CNTN6: variants seen among roughly 807,000 people sequenced by gnomAD.
The protein encoded by CNTN6 is contactin-6.
A neutral mutation model predicts 122.8 loss-of-function variants in CNTN6; 137 were observed. The ratio of observed to expected loss-of-function variants is 1.12; its 90% CI spans 0.97 to 1.29. The LOEUF is 1.29. CNTN6 is among the 50% of genes most tolerant of loss of function. The probability of loss-of-function intolerance (pLI) is 0.00; values close to 1 mark genes in which losing one functional copy is unlikely to be tolerated. For missense variants in CNTN6, 1,634 were observed against 1,223.4 expected (o/e 1.34, Z -5.01); for synonymous variants, 570 against 426.0 (o/e 1.34, Z -4.16).
At chr3:1,384,692 A>T (rs1476943333) in intron 19 of CNTN6, among the ~76,000 whole-genome samples, 1 of 144,618 alleles carries the variant, frequency 6.9e-6, no homozygotes, top group Non-Finnish European at 1.5e-5. Context: ...ATATATACAC[A>T]CACACACACG....
chr3:1,278,512 T>A lies in CNTN6; in HGVS notation c.454+4T>A. ...GGCCCACCGCCACATTTTGGAGGTA[T>A]GATGGGGTGATTTGGGTCATATCAT... On this transcript the variant is annotated splice_donor_region_variant and intron_variant, in intron 5 of 22. Transcript: ENST00000446702. 1 of 1,607,098 alleles carries A rather than the reference T, an allele frequency of 6.2e-7. No homozygotes were observed. Among genetic ancestry groups the A allele is most frequent in the Non-Finnish European group, 8.5e-7 (1 of 1,174,678 alleles).
chr3:1,252,939 A>G (rs982900073), intron 4 of CNTN6, among the ~76,000 whole-genome samples: 4 of 152,192 alleles, frequency 2.6e-5, no homozygotes, highest in African/African-American at 4.8e-5. Context: ...AAGACTCCCT[A>G]TTGAAAGAAG....
intron 1 of CNTN6, among the ~76,000 whole-genome samples, chr3:1,128,852 T>G (rs1166508169): frequency 6.6e-6 from 1 of 152,058 alleles, no homozygotes; most frequent in Non-Finnish European, 1.5e-5. Context: ...TGAAATATAT[T>G]GCACTTTTAA....
chr3:1,321,605 T>C (rs767498119), intron 7 of CNTN6, 45 bp from the exon 8 acceptor site: 1 of 1,495,194 alleles, frequency 6.7e-7, no homozygotes, highest in Non-Finnish European at 9.0e-7. Context: ...TTTGCTGTCA[T>C]AAAGATTAAA....
At chr3:1,129,027 GA>G (rs1287690391) in intron 1 of CNTN6, among the ~76,000 whole-genome samples, 1 of 151,860 alleles carries the variant, frequency 6.6e-6, no homozygotes, top group Non-Finnish European at 1.5e-5. Flanking sequence ...TAAATACATA[GA>G]AGGTAAAAAT....
At chr3:1,166,584 G>T (rs1162442582) in intron 2 of CNTN6, among the ~76,000 whole-genome samples, 1 of 152,146 alleles carries the variant, frequency 6.6e-6, no homozygotes, top group East Asian at 1.9e-4. Flanking sequence ...TGCTACTGGG[G>T]AAGGAAGCAC....
intron 7 of CNTN6, among the ~76,000 whole-genome samples, chr3:1,308,287 T>TTTTG (rs144593016): frequency 1.4e-5 from 2 of 144,826 alleles, no homozygotes; most frequent in African/African-American, 2.6e-5. Context: ...ATGGGGTGTT[T>TTTTG]TGTGTGTGTG....
chr3:1,144,322 C>A (rs1575006749), intron 1 of CNTN6, among the ~76,000 whole-genome samples: 4 of 151,936 alleles, frequency 2.6e-5, no homozygotes, highest in Admixed American at 2.6e-4. Flanking sequence ...ACACCTGTAA[C>A]CCCAGCACTT....
At chr3:1,380,193 T>G (rs1033751491) in intron 17 of CNTN6, among the ~76,000 whole-genome samples, 1 of 152,168 alleles carries the variant, frequency 6.6e-6, no homozygotes, top group African/African-American at 2.4e-5. Flanking sequence ...GACACAAGAC[T>G]GTTCTAAGTT....
chr3:1,307,261 A>G lies in CNTN6; in HGVS notation c.761+9270A>G, dbSNP rs549636295. 3.9e-5 allele frequency among the ~76,000 whole-genome samples: 6 copies of G among 152,308 alleles called. No individual in the cohort carries two copies. In the South Asian group the frequency reaches 6.2e-4, roughly 16 times the overall value. On this transcript the variant is annotated intron_variant, in intron 7 of 22. Transcript: ENST00000446702. The stretch of plus-strand genomic sequence containing the variant: ...TTATCTTTTTCCCACGCTGCCCTTT[A>G]TCAAATAGAGACTGGAGAGGGTCAC...
intron 11 of CNTN6, among the ~76,000 whole-genome samples, chr3:1,332,604 G>T (rs1476822339): frequency 3.3e-5 from 5 of 151,800 alleles, no homozygotes; most frequent in African/African-American, 1.2e-4. Context: ...GGCAAGAAGG[G>T]TCACTGCTGT....
At chr3:1,213,977 C>T (rs550382158) in intron 2 of CNTN6, among the ~76,000 whole-genome samples, 336 of 152,118 alleles carry the variant, frequency 2.2e-3, no homozygotes, top group Middle Eastern at 3.4e-3. Flanking sequence ...ATGATACTAG[C>T]GCTCATACTA....
At chr3:1,108,615 A>G (rs932087645) in intron 1 of CNTN6, among the ~76,000 whole-genome samples, 6 of 152,038 alleles carry the variant, frequency 3.9e-5, no homozygotes, top group Non-Finnish European at 8.8e-5. Context: ...TAATTAGAAT[A>G]GTTTCTACAT....
intron 1 of CNTN6, among the ~76,000 whole-genome samples, chr3:1,098,818 A>ATATG (rs1425501757): frequency 5.0e-5 from 7 of 139,508 alleles, no homozygotes; most frequent in Non-Finnish European, 1.1e-4. Context: ...ATATATATAT[A>ATATG]GTGGGAAATT....
intron 5 of CNTN6, among the ~76,000 whole-genome samples, chr3:1,294,580 A>T (rs1290722156): frequency 6.6e-6 from 1 of 152,136 alleles, no homozygotes; most frequent in Non-Finnish European, 1.5e-5. Context: ...TCATTATGTC[A>T]TTTATACAGT....
intron 11 of CNTN6, among the ~76,000 whole-genome samples, chr3:1,339,468 G>A (rs546433184): frequency 2.6e-5 from 4 of 152,270 alleles, no homozygotes; most frequent in South Asian, 4.1e-4. Flanking sequence ...GGGGAAGGCA[G>A]ACAAGCCCAC....
intron 10 of CNTN6, among the ~76,000 whole-genome samples, chr3:1,329,182 CACAT>C (rs1292134237): frequency 2.0e-5 from 3 of 150,600 alleles, no homozygotes; most frequent in Admixed American, 6.7e-5. Flanking sequence ...ATCAGAAACA[CACAT>C]ACATATATAC....
chr3:1,382,513 C>T (rs919901372), intron 17 of CNTN6, among the ~76,000 whole-genome samples: 6 of 152,126 alleles, frequency 3.9e-5, no homozygotes, highest in African/African-American at 1.4e-4. Flanking sequence ...AATTCCATTA[C>T]ACATGTCTTA....
intron 2 of CNTN6, among the ~76,000 whole-genome samples, chr3:1,176,738 G>C (rs2093457509): frequency 6.6e-6 from 1 of 152,166 alleles, no homozygotes; most frequent in African/African-American, 2.4e-5. Context: ...TAAGTGGAAA[G>C]TGTGGAAATA....
Sources: allele counts gnomAD v4.1 joint callset (sites outside exome capture counted in the v4.1 genomes callset), GRCh38; gene constraint gnomAD v4.1.1; transcripts MANE v1.5; gene names NCBI Gene and HGNC (gene_info 2026-07-23, HGNC 2026-07-21).